The following MYB variants were observed in gnomAD, a reference collection of about 807,000 sequenced individuals.
MYB encodes MYB proto-oncogene, transcription factor.
In MYB, 28 loss-of-function variants were observed where a neutral mutation model predicts 92.9. The ratio of observed to expected loss-of-function variants is 0.30; its 90% confidence interval spans 0.22 to 0.41. The LOEUF is 0.41. Among genes scored for constraint, MYB ranks in the 10% least tolerant of loss-of-function variants. The probability of loss-of-function intolerance (pLI) is 1.00; values close to 1 mark genes in which losing one functional copy is unlikely to be tolerated. For synonymous variants in MYB, 295 were observed against 329.1 expected, an observed-to-expected ratio of 0.90 and a Z score of 1.12; for missense variants, 679 against 929.3, an observed-to-expected ratio of 0.73 and a Z score of 3.50.
chr6:135,216,403 G>T (rs2128325618), intron 15 of MYB, among the ~76,000 whole-genome samples: 1 of 152,252 alleles, frequency 6.6e-6, no homozygotes, highest in African/African-American at 2.4e-5. Flanking sequence ...CAAAGTCGAG[G>T]CTGTGAGTGT....
chr6:135,217,713 G>A (rs564275235), intron 15 of MYB, 151 bp from the exon 16 acceptor site: 56 of 707,232 alleles, frequency 7.9e-5, no homozygotes, highest in South Asian at 3.6e-4. Context: ...TAAGAACACC[G>A]GATTTCTGGG....
chr6:135,208,992 T>TA (rs1779359115), intron 15 of MYB, among the ~76,000 whole-genome samples: 1 of 152,200 alleles, frequency 6.6e-6, no homozygotes. Context: ...TGCTATCCAC[T>TA]ATGATAGCCA....
Position 135,190,777 on chromosome 6 carries a change from C to A in MYB, c.527+430C>A, listed in dbSNP as rs965872157. Among the ~76,000 whole-genome samples the A allele has an allele frequency of 6.6e-6, 1 of 152,066 alleles. No individual in the cohort carries two copies. Among genetic ancestry groups the A allele is most frequent in the African/African-American group, 2.4e-5 (1 of 41,394 alleles). On this transcript the variant is annotated intron_variant, in intron 5 of 15. Coordinates refer to ENST00000341911, the MANE Select transcript of MYB (RefSeq NM_001130173.2). The surrounding 1 kb of genome is among the most constrained non-coding windows in gnomAD (Gnocchi z 4.5). ...TACCATTTTCCTGATAACCATCATTCATTTCTTTTATTTTTTTTAATTATT... is the reference window on the plus strand; with the variant it reads ...TACCATTTTCCTGATAACCATCATTAATTTCTTTTATTTTTTTTAATTATT...
chr6:135,204,123 G>A (rs748520367), intron 15 of MYB, among the ~76,000 whole-genome samples: 1 of 152,166 alleles, frequency 6.6e-6, no homozygotes, highest in Non-Finnish European at 1.5e-5. Flanking sequence ...AGAAGCTGAA[G>A]GTCATATTTC....
intron 6 of MYB, among the ~76,000 whole-genome samples, chr6:135,192,822 G>A (rs992151362): frequency 2.0e-5 from 3 of 152,286 alleles, no homozygotes; most frequent in South Asian, 2.1e-4. Context: ...CGAGCTGTCC[G>A]ATTCTAAATT....
intron 1 of MYB, among the ~76,000 whole-genome samples, chr6:135,184,628 A>G (rs1230187355): frequency 2.0e-5 from 3 of 152,184 alleles, no homozygotes; most frequent in African/African-American, 7.2e-5. Context: ...ATTTTTGGTA[A>G]GCACTTCAGC....
intron 10 of MYB, among the ~76,000 whole-genome samples, chr6:135,198,110 A>G (rs1777580401): frequency 6.6e-6 from 1 of 152,200 alleles, no homozygotes; most frequent in African/African-American, 2.4e-5. Context: ...TGATATAGGT[A>G]TATACATTTG....
At chr6:135,187,790 A>G (rs769373410) in intron 2 of MYB, 44 bp from the exon 3 acceptor site, 12 of 1,343,296 alleles carry the variant, frequency 8.9e-6, no homozygotes, top group Non-Finnish European at 1.3e-5. Context: ...ACAGAGTTAT[A>G]TAGTAAATAA....
rs1777466710 is a variant in MYB at position 135,197,307 on chromosome 6, C to T, written c.1550C>T (p.Pro517Leu). 3.1e-6 allele frequency: 5 copies of T among 1,610,832 alleles called. No individual in the cohort carries two copies. The East Asian group carries it at 6.7e-5, about 22-fold the overall frequency. The change falls in exon 10 of 16, where the codon CCC becomes CTC. Residue 517 changes from proline to leucine, a missense_variant. Around this residue, in one of 8 missense-constraint regions of MYB, gnomAD observed 402 missense variants for 434.2 expected, o/e 0.93. Coordinates refer to ENST00000341911, the MANE Select transcript of MYB (RefSeq NM_001130173.2). Reference sequence around the variant, plus strand: ...AAGCGTTCCCCTGTCAAAAGCCTACCCTTCTCTCCCTCGCAGGTAGAACAC... The same window carrying T: ...AAGCGTTCCCCTGTCAAAAGCCTACTCTTCTCTCCCTCGCAGGTAGAACAC... Reference protein sequence around the residue: ...TPKRSPVKSLPFSPSQFLNTS... With the variant: ...TPKRSPVKSLLFSPSQFLNTS...
intron 15 of MYB, among the ~76,000 whole-genome samples, chr6:135,206,852 T>A (rs1328988626): frequency 6.6e-6 from 1 of 152,236 alleles, no homozygotes; most frequent in Non-Finnish European, 1.5e-5. Flanking sequence ...CTTCATTTTA[T>A]GTCATGGAGT....
At position 135,197,028 on chromosome 6, in the gene MYB, A is replaced by G. The variant is rs775607970; in HGVS notation, c.1271A>G (p.Gln424Arg). ...GAAGAAGCAGATTTTTCACCTAGCC[A>G]ACATCACACAGGCAAAGCCCTACAG... ...FFEEADFSPS[Q>R]HHTGKALQLQ... The change falls in exon 10 of 16, where the codon CAA becomes CGA. Residue 424 changes from glutamine to arginine, a missense_variant. Physicochemically the swap from Gln to Arg is conservative, Grantham distance 43 (BLOSUM62 1). Transcript: ENST00000341911. The G allele has an allele frequency of 3.1e-6, 5 of 1,613,976 alleles. No homozygotes were observed. The highest frequency in any genetic ancestry group is 1.1e-5 in the South Asian group (1 of 91,078).
At chr6:135,210,313 C>G (rs210950) in intron 15 of MYB, among the ~76,000 whole-genome samples, 57,833 of 152,062 alleles carry the variant, frequency 0.38, 11,019 homozygotes, top group Admixed American at 0.4. Flanking sequence ...TCACTTGCCT[C>G]TTTTTCGTAA....
intron 3 of MYB, among the ~76,000 whole-genome samples, chr6:135,189,285 CCTT>C (rs1392046659): frequency 6.6e-5 from 10 of 152,284 alleles, no homozygotes; most frequent in African/African-American, 2.4e-4. Flanking sequence ...CTTGTCTTTT[CCTT>C]CTTATAAGTT....
At chr6:135,196,129 G>A in intron 9 of MYB, 127 bp downstream of exon 9, 1 of 964,014 alleles carries the variant, frequency 1.0e-6, no homozygotes, top group Non-Finnish European at 1.5e-6. Context: ...GTAGAAGTAT[G>A]ATTTTCATCT....
rs34119110 is a variant in MYB, at chr6:135,200,142, A to G, written c.1767A>G (p.Thr589=). 9,825 of 1,614,172 alleles carry G rather than the reference A, an allele frequency of 6.1e-3. 34 individuals are homozygous for G. Among genetic ancestry groups the G allele is most frequent in the Non-Finnish European group, 7.2e-3 (8,528 of 1,180,010 alleles). Residue 589 remains threonine, a synonymous_variant, in exon 12 of 16, where the codon ACA becomes ACG. Transcript: ENST00000341911. The stretch of plus-strand genomic sequence containing the variant: ...TAGAAAGCTCTCCAAGAACTCCTAC[A>G]CCATTCAAACATGCACTTGCAGCTC... ...SILESSPRTP[T]PFKHALAAQE... is the part of the protein sequence containing the mutation.
At chr6:135,215,855 C>T (rs1455131066) in intron 15 of MYB, among the ~76,000 whole-genome samples, 5 of 152,196 alleles carry the variant, frequency 3.3e-5, no homozygotes, top group African/African-American at 1.2e-4. Context: ...ACACCACAAA[C>T]CTGCGCACAC....
chr6:135,184,233 A>G (rs1341625490), intron 1 of MYB, among the ~76,000 whole-genome samples: 2 of 150,508 alleles, frequency 1.3e-5, no homozygotes, highest in Non-Finnish European at 2.9e-5. Flanking sequence ...TGTCTCTCAC[A>G]TTTCACAAGG....
intron 15 of MYB, among the ~76,000 whole-genome samples, chr6:135,216,977 T>A (rs1780539950): frequency 6.6e-6 from 1 of 152,240 alleles, no homozygotes; most frequent in South Asian, 2.1e-4. Context: ...GTGATGGTGC[T>A]GTTTTAATGA....
At chr6:135,214,591 G>A (rs1780178309) in intron 15 of MYB, among the ~76,000 whole-genome samples, 1 of 152,146 alleles carries the variant, frequency 6.6e-6, no homozygotes, top group Non-Finnish European at 1.5e-5. Flanking sequence ...CCAAGTCCTT[G>A]GCTCCATGTG....
Sources: allele counts gnomAD v4.1 joint callset (sites outside exome capture counted in the v4.1 genomes callset), GRCh38; gene constraint gnomAD v4.1.1; regional missense constraint gnomAD v4.1.1; non-coding constraint Gnocchi (gnomAD v3.1); transcripts MANE v1.5; gene names NCBI Gene and HGNC (gene_info 2026-07-23, HGNC 2026-07-21).